AGBL1: variants seen among roughly 807,000 people sequenced by gnomAD.
AGBL1 encodes AGBL carboxypeptidase 1, also known as cytosolic carboxypeptidase 4.
A neutral mutation model predicts 118.9 loss-of-function variants in AGBL1; 130 were observed. That is an observed-to-expected ratio of 1.09 (90% confidence interval 0.95 to 1.26). The LOEUF is 1.26. AGBL1 is among the 50% of genes most tolerant of loss of function. AGBL1 has a pLI of 0.00. For missense variants in AGBL1, 1,584 were observed against 1,298.1 expected (o/e 1.22, Z -3.38); for synonymous variants, 555 against 478.9 (o/e 1.16, Z -2.08).
At chr15:86,153,724 T>C (rs6496308) in intron 3 of AGBL1, among the ~76,000 whole-genome samples, 5,636 of 152,294 alleles carry the variant, frequency 0.037, 153 homozygotes, top group African/African-American at 0.072. Flanking sequence ...TGACTTTTTA[T>C]TATGAAAACT....
At chr15:86,558,480 C>T (rs1205127202) in intron 21 of AGBL1, among the ~76,000 whole-genome samples, 2 of 152,156 alleles carry the variant, frequency 1.3e-5, no homozygotes, top group Non-Finnish European at 2.9e-5. Context: ...TTCAACCTCC[C>T]CCTCTGCCCA....
At chr15:86,202,603 C>G (rs1023338238) in intron 5 of AGBL1, among the ~76,000 whole-genome samples, 1 of 152,140 alleles carries the variant, frequency 6.6e-6, no homozygotes, top group Admixed American at 6.5e-5. Context: ...ACTAACAATG[C>G]TTTGTCAAAC....
intron 3 of AGBL1, among the ~76,000 whole-genome samples, chr15:86,146,414 C>A (rs964787559): frequency 5.3e-5 from 8 of 152,096 alleles, no homozygotes; most frequent in Non-Finnish European, 1.2e-4. Flanking sequence ...CATTTTATAT[C>A]AGGGACTTGA....
downstream of AGBL1, among the ~76,000 whole-genome samples, chr15:86,917,744 G>A (rs1007695685): frequency 4.6e-5 from 7 of 151,038 alleles, no homozygotes; most frequent in Non-Finnish European, 7.4e-5. This position sits in a 1 kb window ranked among gnomAD's most constrained non-coding sequence, Gnocchi z 4.8. Context: ...CCAAAGATTC[G>A]GGGAGTGGGG....
At chr15:86,257,115 A>G (rs1459930412) in intron 8 of AGBL1, 97 bp downstream of exon 8, 2 of 1,298,770 alleles carry the variant, frequency 1.5e-6, no homozygotes, top group Non-Finnish European at 2.1e-6. Flanking sequence ...GTTATTTTAT[A>G]GGTCAACCAT....
At chr15:86,547,135 CA>C (rs1160755906) in intron 20 of AGBL1, among the ~76,000 whole-genome samples, 2 of 152,144 alleles carry the variant, frequency 1.3e-5, no homozygotes, top group African/African-American at 4.8e-5. Flanking sequence ...AGCTTATCCT[CA>C]ATAACCTGTT....
chr15:87,003,051 G>A (rs928317520), intron 24 of AGBL1, among the ~76,000 whole-genome samples: 1 of 152,146 alleles, frequency 6.6e-6, no homozygotes, highest in Non-Finnish European at 1.5e-5. Flanking sequence ...TCCCTGTCTT[G>A]TGCCAGTTTT....
intron 23 of AGBL1, among the ~76,000 whole-genome samples, chr15:86,970,622 G>A (rs947934561): frequency 2.0e-5 from 3 of 151,928 alleles, no homozygotes; most frequent in African/African-American, 7.2e-5. Flanking sequence ...ACCTAGGTTT[G>A]ATTTGATAAT....
chr15:86,711,556 T>G (rs2086557122), intron 22 of AGBL1, among the ~76,000 whole-genome samples: 3 of 152,178 alleles, frequency 2.0e-5, no homozygotes, highest in Admixed American at 2.0e-4. Context: ...TGCTAGCCCT[T>G]ACAGTTGCTA....
At chr15:86,416,126 A>T (rs77308725) in intron 18 of AGBL1, among the ~76,000 whole-genome samples, 9,996 of 152,216 alleles carry the variant, frequency 0.066, 365 homozygotes, top group East Asian at 0.15. Flanking sequence ...TATTTCATAA[A>T]CAAACAAACC....
At chr15:86,440,921 G>T (rs2082056444) in intron 18 of AGBL1, among the ~76,000 whole-genome samples, 1 of 152,186 alleles carries the variant, frequency 6.6e-6, no homozygotes, top group Admixed American at 6.5e-5. Flanking sequence ...ATAGGAAACA[G>T]GCTCAAGAAA....
chr15:86,193,119 G>A (rs762803011), intron 5 of AGBL1, among the ~76,000 whole-genome samples: 3 of 152,086 alleles, frequency 2.0e-5, no homozygotes, highest in Non-Finnish European at 4.4e-5. Flanking sequence ...ATACTGTGAT[G>A]GGTGTCAAAA....
chr15:86,264,202 G>A, intron 10 of AGBL1, 56 bp from the exon 11 acceptor site: 4 of 1,356,382 alleles, frequency 2.9e-6, no homozygotes, highest in African/African-American at 1.5e-5. Flanking sequence ...GGATCAAATT[G>A]TATTCCCTAC....
intron 22 of AGBL1, among the ~76,000 whole-genome samples, chr15:86,805,842 C>T (rs1019987771): frequency 4.6e-5 from 7 of 152,158 alleles, no homozygotes; most frequent in African/African-American, 1.4e-4. Context: ...AAAGTCAACT[C>T]GTACTATGAA....
At chr15:86,798,137 G>C (rs184866892) in intron 22 of AGBL1, among the ~76,000 whole-genome samples, 12 of 152,198 alleles carry the variant, frequency 7.9e-5, no homozygotes, top group Admixed American at 6.5e-4. Context: ...CCATAGAACA[G>C]AAATTCAGTT....
At chr15:86,394,924 A>G (rs1452193054) in intron 17 of AGBL1, among the ~76,000 whole-genome samples, 2 of 152,142 alleles carry the variant, frequency 1.3e-5, no homozygotes, top group Non-Finnish European at 2.9e-5. Context: ...CTAGTATTTT[A>G]ATATGGACAA....
intron 17 of AGBL1, among the ~76,000 whole-genome samples, chr15:86,386,559 C>A (rs2081198994): frequency 6.6e-6 from 1 of 151,750 alleles, no homozygotes; most frequent in Non-Finnish European, 1.5e-5. Flanking sequence ...TTGCCATCCC[C>A]ACTTAAATTC....
chr15:86,945,330 A>G (rs890829355), intron 23 of AGBL1, among the ~76,000 whole-genome samples: 2 of 151,764 alleles, frequency 1.3e-5, no homozygotes, highest in African/African-American at 2.4e-5. Context: ...AGAGAAAAAA[A>G]GTTTACAGAT....
At chr15:86,467,437 C>T (rs575303827) in intron 18 of AGBL1, among the ~76,000 whole-genome samples, 127 of 152,284 alleles carry the variant, frequency 8.3e-4, no homozygotes, top group African/African-American at 3.0e-3. Flanking sequence ...CTGAGCAAGA[C>T]CATTTGGCTT....
Sources: allele counts gnomAD v4.1 joint callset (sites outside exome capture counted in the v4.1 genomes callset), GRCh38; gene constraint gnomAD v4.1.1; non-coding constraint Gnocchi (gnomAD v3.1); transcripts MANE v1.5; gene names NCBI Gene and HGNC (gene_info 2026-07-23, HGNC 2026-07-21).